Variants in TFPI observed in about 807,000 individuals in gnomAD.
TFPI encodes anti-convertin.
In TFPI, 15 loss-of-function variants were observed where a neutral mutation model predicts 34.6. The ratio of observed to expected loss-of-function variants is 0.43; its 90% CI spans 0.29 to 0.67. The LOEUF (loss-of-function observed/expected upper bound fraction) is 0.67, where lower values mean the gene tolerates loss of function less well. TFPI is among the 30% of genes least tolerant of loss of function. TFPI has a pLI of 0.15. For missense variants in TFPI, 301 were observed against 364.0 expected, an observed-to-expected ratio of 0.83 and a Z score of 1.41; for synonymous variants, 105 against 120.1, an observed-to-expected ratio of 0.87 and a Z score of 0.82.
At chr2:187,541,949 A>T (rs1688602902) in intron 1 of TFPI, among the ~76,000 whole-genome samples, 1 of 152,158 alleles carries the variant, frequency 6.6e-6, no homozygotes, top group Admixed American at 6.5e-5. Flanking sequence ...AGGGGTAAAC[A>T]CATGCATGGG....
At chr2:187,502,706 A>G (rs548774871) in intron 2 of TFPI, among the ~76,000 whole-genome samples, 1 of 152,104 alleles carries the variant, frequency 6.6e-6, no homozygotes, top group South Asian at 2.1e-4. Context: ...ACTACTTTAT[A>G]CGGAAATAAA....
intron 1 of TFPI, among the ~76,000 whole-genome samples, chr2:187,521,678 C>T (rs1181840821): frequency 1.3e-5 from 2 of 152,066 alleles, no homozygotes; most frequent in Non-Finnish European, 2.9e-5. Flanking sequence ...AAGTGATTCT[C>T]CTGCCTCAGC....
intron 1 of TFPI, among the ~76,000 whole-genome samples, chr2:187,510,264 G>A (rs1308217834): frequency 2.6e-5 from 4 of 152,026 alleles, no homozygotes; most frequent in East Asian, 1.9e-4. Flanking sequence ...CCTTAGTTAC[G>A]CACTCTACAA....
intron 1 of TFPI, among the ~76,000 whole-genome samples, chr2:187,507,008 A>G (rs551449989): frequency 6.6e-6 from 1 of 152,242 alleles, no homozygotes; most frequent in South Asian, 2.1e-4. Flanking sequence ...TGCTGCACCC[A>G]TCAACCCATC....
At position 187,464,622 on chromosome 2, in the gene TFPI, A is replaced by G. The variant is rs1414256199; in HGVS notation, c.*2314T>C. 2 of 152,170 alleles carry G rather than the reference A, an allele frequency of 1.3e-5. No individual in the cohort carries two copies. The highest frequency in any genetic ancestry group is 2.9e-5 in the Non-Finnish European group (2 of 68,018). 9.4% of individuals were successfully genotyped at this position (152,170 alleles called of 1,614,324 possible). On this transcript the variant is annotated 3_prime_UTR_variant, in exon 8 of 8. Transcript: ENST00000233156. ...TAGTGACTATTTACCACTTCACCTA[A>G]GTAGACTTTCCCACTCATTTGAAGC...
chr2:187,524,939 G>A (rs778549121), intron 1 of TFPI, among the ~76,000 whole-genome samples: 10 of 151,892 alleles, frequency 6.6e-5, no homozygotes, highest in Non-Finnish European at 1.2e-4. Context: ...AGAAAGGTGG[G>A]CTTAGAAAAG....
At chr2:187,491,991 A>C (rs1685152627) in intron 3 of TFPI, among the ~76,000 whole-genome samples, 1 of 151,996 alleles carries the variant, frequency 6.6e-6, no homozygotes, top group African/African-American at 2.4e-5. Flanking sequence ...TTGGTTGTGT[A>C]TATGTTTCTT....
intron 6 of TFPI, among the ~76,000 whole-genome samples, chr2:187,483,522 A>G (rs1693033578): frequency 6.6e-6 from 1 of 151,946 alleles, no homozygotes; most frequent in Non-Finnish European, 1.5e-5. Flanking sequence ...TATGTTTTCC[A>G]GTATTTTCAC....
chr2:187,528,790 A>G (rs186075252), intron 1 of TFPI, among the ~76,000 whole-genome samples: 18 of 152,238 alleles, frequency 1.2e-4, no homozygotes, highest in African/African-American at 1.7e-4. Context: ...CAGTGTAACT[A>G]TATTTGACCC....
At chr2:187,467,443 T>C (rs1691777492) in intron 7 of TFPI, among the ~76,000 whole-genome samples, 1 of 152,092 alleles carries the variant, frequency 6.6e-6, no homozygotes, top group Non-Finnish European at 1.5e-5. Context: ...TATGTTAAAA[T>C]TTTGTGCATT....
chr2:187,478,816 A>C (rs769015334), intron 6 of TFPI: 22 of 1,602,706 alleles, frequency 1.4e-5, no homozygotes, highest in Non-Finnish European at 1.8e-5. Context: ...GTGGATCACA[A>C]AATTGATAAA....
At chr2:187,549,773 T>G (rs1488213540) in intron 1 of TFPI, among the ~76,000 whole-genome samples, 1 of 152,128 alleles carries the variant, frequency 6.6e-6, no homozygotes, top group Non-Finnish European at 1.5e-5. Flanking sequence ...TAAATTTATA[T>G]TCATCTTTTG....
At chr2:187,526,956 A>T (rs1045937240) in intron 1 of TFPI, 3 of 152,124 alleles carry the variant, frequency 2.0e-5, no homozygotes, top group African/African-American at 7.2e-5. Flanking sequence ...CTTGTTGTTG[A>T]TTACTTCCAT....
chr2:187,479,105 C>T (rs959577718), intron 6 of TFPI, among the ~76,000 whole-genome samples: 14 of 151,980 alleles, frequency 9.2e-5, no homozygotes, highest in Non-Finnish European at 1.8e-4. Flanking sequence ...GGGAAAATAA[C>T]ATAAAACATC....
At chr2:187,512,377 C>A (rs1686704090) in intron 1 of TFPI, among the ~76,000 whole-genome samples, 1 of 150,000 alleles carries the variant, frequency 6.7e-6, no homozygotes, top group African/African-American at 2.5e-5. Context: ...GATGATTTAA[C>A]ATTAACTACT....
At chr2:187,468,908 G>A (rs1332599773) in intron 6 of TFPI, among the ~76,000 whole-genome samples, 1 of 151,998 alleles carries the variant, frequency 6.6e-6, no homozygotes, top group Non-Finnish European at 1.5e-5. Context: ...TGTGATACAA[G>A]CAAATACAGA....
chr2:187,494,584 A>G (rs1685343405), intron 3 of TFPI, among the ~76,000 whole-genome samples: 1 of 152,042 alleles, frequency 6.6e-6, no homozygotes, highest in African/African-American at 2.4e-5. Flanking sequence ...GTCTTGTTCT[A>G]TTTATCCATC....
At chr2:187,510,662 G>C (rs1686560180) in intron 1 of TFPI, among the ~76,000 whole-genome samples, 1 of 152,176 alleles carries the variant, frequency 6.6e-6, no homozygotes, top group Admixed American at 6.5e-5. Flanking sequence ...GTCATCTATA[G>C]ATTCCAGACA....
At chr2:187,525,147 A>G (rs1166180129) in intron 1 of TFPI, among the ~76,000 whole-genome samples, 1 of 152,128 alleles carries the variant, frequency 6.6e-6, no homozygotes, top group East Asian at 1.9e-4. Flanking sequence ...TGAACTTCAT[A>G]TGAACTATAA....
Sources: gnomAD v4.1 joint callset for allele counts (sites outside exome capture counted in the v4.1 genomes callset) on GRCh38, gnomAD v4.1.1 for gene constraint, MANE v1.5 for transcripts, NCBI Gene and HGNC (gene_info 2026-07-23, HGNC 2026-07-21) for gene names.